Variants in HAX1 observed in about 807,000 individuals in gnomAD.
The protein encoded by HAX1 is HCLS1-associated protein X-1.
HAX1 carries 27 observed loss-of-function variants against 31.1 expected under a neutral mutation model. That is an observed-to-expected ratio of 0.87 (90% CI 0.64 to 1.20). HAX1 has a LOEUF of 1.20. Among genes scored for constraint, HAX1 ranks in the 50% most tolerant of loss-of-function variants. The pLI, the probability that HAX1 is intolerant of heterozygous loss-of-function variation, is 0.00. For synonymous variants in HAX1, 114 were observed against 124.1 expected, an observed-to-expected ratio of 0.92 and a Z score of 0.54; for missense variants, 357 against 361.6, an observed-to-expected ratio of 0.99 and a Z score of 0.10.
Position 154,274,934 on chromosome 1 carries a change from A to G in HAX1, c.505-16A>G, listed in dbSNP as rs551835048. 365 of 1,598,260 alleles carry G rather than the reference A, an allele frequency of 2.3e-4. 2 individuals are homozygous for G. The South Asian group carries it at 3.7e-3, about 16-fold the overall frequency. On this transcript the variant is annotated splice_polypyrimidine_tract_variant and intron_variant, in intron 3 of 6. Transcript: ENST00000328703. ...ATTGGAAGGAGTCTTTTCACTTACT[A>G]TGGTTTCTTCTGCAGTTTGATGATG...
At chr1:154,273,187 G>T (rs1282688224) in intron 1 of HAX1, 149 bp from the exon 2 acceptor site, 56 of 707,784 alleles carry the variant, frequency 7.9e-5, no homozygotes, top group Non-Finnish European at 1.2e-4. Flanking sequence ...GTCAGCCATT[G>T]TATTAATGTT....
In HAX1 at chr1:154,274,805, A is replaced by G. The variant is rs1171784722; in HGVS notation, c.505-145A>G. ...TAGAAGGATACATAAAACAGCCAGG[A>G]AGGAGTGTGTAAATAAGGCTATTCT... is the stretch of plus-strand genomic sequence containing the variant. On this transcript the variant is annotated intron_variant, in intron 3 of 6. Coordinates refer to ENST00000328703, the MANE Select transcript of HAX1 (RefSeq NM_006118.4). The G allele has an allele frequency of 2.1e-5, 15 of 716,216 alleles. No individual in the cohort carries two copies. The Admixed American group carries it at 3.0e-4, about 14-fold the overall frequency. The allele number at this position is 716,216 out of a possible 1,614,324, so 44.4% of individuals were successfully genotyped here.
At position 154,273,178 on chromosome 1, in the gene HAX1, T is replaced by A. The variant is rs1684845045; in HGVS notation, c.54-158T>A. 5.7e-6 allele frequency: 4 copies of A among 696,480 alleles called. No individual in the cohort carries two copies. The East Asian group carries it at 1.0e-4, about 18-fold the overall frequency. 43.1% of individuals were successfully genotyped at this position (696,480 alleles called of 1,614,324 possible). On this transcript the variant is annotated intron_variant, in intron 1 of 6. Transcript: ENST00000328703. ...AAAAAAAAAAAAAAAAAAAGAACTGTCAGCCATTGTATTAATGTTTTGATG... is the reference window on the plus strand; with the variant it reads ...AAAAAAAAAAAAAAAAAAAGAACTGACAGCCATTGTATTAATGTTTTGATG...
At chr1:154,272,831 C>A in intron 1 of HAX1, 55 bp downstream of exon 1, 1 of 1,491,490 alleles carries the variant, frequency 6.7e-7, no homozygotes, top group Non-Finnish European at 9.4e-7. Flanking sequence ...GGAGCTTGAC[C>A]CCTACGTCTT....
In HAX1 at chr1:154,275,781, C is replaced by A; in HGVS notation, c.*80C>A. The A allele has an allele frequency of 1.1e-6, 1 of 934,778 alleles. No individual in the cohort carries two copies. Among genetic ancestry groups the A allele is most frequent in the Admixed American group, 1.9e-5 (1 of 52,946 alleles). The allele number at this position is 934,778 out of a possible 1,614,324, so 57.9% of individuals were successfully genotyped here. ...CCATTAATAAGCTTAGCTTCTCTTG[C>A]CACCTCAGGGGCTTGGATATGTGGA... On this transcript the variant is annotated 3_prime_UTR_variant, in exon 7 of 7. Transcript: ENST00000328703.
At chr1:154,272,968 G>A (rs1684828515) in intron 1 of HAX1, 192 bp downstream of exon 1, 2 of 649,402 alleles carry the variant, frequency 3.1e-6, no homozygotes, top group Non-Finnish European at 5.5e-6. Flanking sequence ...AGCAAACTAA[G>A]CCTTTCTCCA....
In HAX1 at chr1:154,272,647, T is replaced by A; in HGVS notation, c.-77T>A. On this transcript the variant is annotated 5_prime_UTR_variant, in exon 1 of 7. Transcript: ENST00000328703. ...GTGGGCTGACGCCTCGCTCAATTTC[T>A]CACAGGGCTGCGCAGGTTTCCCCCG... 6.8e-7 allele frequency: 1 copy of A among 1,466,280 alleles called. No individual in the cohort carries two copies. The highest frequency in any genetic ancestry group is 9.5e-7 in the Non-Finnish European group (1 of 1,048,796). The allele number at this position is 1,466,280 out of a possible 1,614,324, so 90.8% of individuals were successfully genotyped here.
In HAX1 at chr1:154,274,358, C is replaced by T. The variant is rs1558251992; in HGVS notation, c.504+397C>T. On this transcript the variant is annotated intron_variant, in intron 3 of 6. Coordinates refer to ENST00000328703, the MANE Select transcript of HAX1 (RefSeq NM_006118.4). The stretch of plus-strand genomic sequence containing the variant: ...CAATTCCCAGGTTCAAGTGATTCTC[C>T]TGCCTCAGCCTCCTGAGTAGCTGGG... Among the ~76,000 whole-genome samples, 5 of 152,116 alleles carry T rather than the reference C, an allele frequency of 3.3e-5. No individual in the cohort carries two copies. In the South Asian group the frequency reaches 1.0e-3, roughly 32 times the overall value.
At position 154,275,861 on chromosome 1, in the gene HAX1, C is replaced by T. The variant is rs990107227; in HGVS notation, c.*160C>T. On this transcript the variant is annotated 3_prime_UTR_variant, in exon 7 of 7. Transcript: ENST00000328703. ...ACTCACCCAAACTGACCAATAAAACCTTTATTTATGCTAATTTTTTGTCTT... is the reference window on the plus strand; with the variant it reads ...ACTCACCCAAACTGACCAATAAAACTTTTATTTATGCTAATTTTTTGTCTT... 5 of 665,004 alleles carry T rather than the reference C, an allele frequency of 7.5e-6. No individual in the cohort carries two copies. The highest frequency in any genetic ancestry group is 1.4e-5 in the Non-Finnish European group (5 of 365,146). 41.2% of individuals were successfully genotyped at this position (665,004 alleles called of 1,614,324 possible). A position where few individuals can be genotyped will look rare whatever the true frequency, so the allele number is the denominator to read the frequency against.
At position 154,274,069 on chromosome 1, in the gene HAX1, A is replaced by C. The variant is rs1684883837; in HGVS notation, c.504+108A>C. 3.0e-6 allele frequency: 3 copies of C among 1,012,850 alleles called. No individual in the cohort carries two copies. In the South Asian group the frequency reaches 3.9e-5, roughly 13 times the overall value. 62.7% of individuals were successfully genotyped at this position (1,012,850 alleles called of 1,614,324 possible). ...ACGCCTGTAATCCCAGCACTTTGGG[A>C]GGCCGAGGTGGGCAGATCACCAGAG... On this transcript the variant is annotated intron_variant, in intron 3 of 6. Transcript: ENST00000328703.
At chr1:154,273,224 C>A in intron 1 of HAX1, 112 bp from the exon 2 acceptor site, 1 of 1,255,388 alleles carries the variant, frequency 8.0e-7, no homozygotes, top group South Asian at 1.2e-5. Flanking sequence ...TCCTCCGACC[C>A]TCTCCCTAGC....
Position 154,272,749 on chromosome 1 carries a change from G to T in HAX1, c.26G>T (p.Gly9Val), listed in dbSNP as rs1684816029. The T allele has an allele frequency of 6.2e-7, 1 of 1,614,072 alleles. No homozygotes were observed. Among genetic ancestry groups the T allele is most frequent in the African/African-American group, 1.3e-5 (1 of 74,940 alleles). MSLFDLFR[G>V]FFGFPGPRSH... is the part of the protein sequence containing the mutation. ...ATGAGCCTCTTTGATCTCTTCCGGG[G>T]CTTTTTCGGCTTTCCTGGACCTCGG... The change falls in exon 1 of 7, where the codon GGC becomes GTC. Residue 9 changes from glycine (G) to valine (V), a missense_variant. Gly to Val is a moderately radical substitution (Grantham distance 109, BLOSUM62 -3). Coordinates refer to ENST00000328703, the MANE Select transcript of HAX1 (RefSeq NM_006118.4).
Position 154,275,246 on chromosome 1 carries a change from A to G in HAX1, c.649A>G (p.Thr217Ala), listed in dbSNP as rs1355200932. 1.2e-6 allele frequency: 2 copies of G among 1,611,558 alleles called. No homozygotes were observed. The highest frequency in any genetic ancestry group is 8.5e-7 in the Non-Finnish European group (1 of 1,177,614). ...YFKSISVTKITKPDGIVEERR... is the reference protein window; with the variant it reads ...YFKSISVTKIAKPDGIVEERR... ...CAAGAGCATCTCTGTGACCAAGATCACTAAACCAGATGGGGTGAGTTGAAA... is the reference window on the plus strand; with the variant it reads ...CAAGAGCATCTCTGTGACCAAGATCGCTAAACCAGATGGGGTGAGTTGAAA... The change falls in exon 5 of 7, where the codon ACT becomes GCT. Residue 217 changes from threonine to alanine, a missense_variant. Physicochemically the swap from Thr to Ala is moderately conservative, Grantham distance 58 (BLOSUM62 0). Transcript: ENST00000328703.
chr1:154,273,972 C>T lies in HAX1; in HGVS notation c.504+11C>T. ...AGGCCATTTCATAGGGTGAGTATCC[C>T]ATCTGGTCCTGAAGTGAGAGCTTGT... On this transcript the variant is annotated intron_variant, in intron 3 of 6. Coordinates refer to ENST00000328703, the MANE Select transcript of HAX1 (RefSeq NM_006118.4). 1 of 1,609,746 alleles carries T rather than the reference C, an allele frequency of 6.2e-7. No homozygotes were observed. The highest frequency in any genetic ancestry group is 2.2e-5 in the East Asian group (1 of 44,824).
In HAX1 at chr1:154,273,391, G is replaced by C. The variant is rs201707963; in HGVS notation, c.109G>C (p.Glu37Gln). The change falls in exon 2 of 7, where the codon GAA becomes CAA. Residue 37 changes from glutamate (E) to glutamine (Q), a missense_variant. Physicochemically the swap from Glu to Gln is conservative, Grantham distance 29. Transcript: ENST00000328703. ...TCGAGATGAAGATGATGATGAGGAA[G>C]AAGAAGAAGAAGGGGGCTCATGGGG... ...MTRDEDDDEE[E>Q]EEEGGSWGRG... 4 of 1,613,924 alleles carry C rather than the reference G, an allele frequency of 2.5e-6. No individual in the cohort carries two copies. The East Asian group carries it at 6.7e-5, about 27-fold the overall frequency.
intron 4 of HAX1, 63 bp downstream of exon 4, chr1:154,275,064 C>A: frequency 1.4e-6 from 2 of 1,471,760 alleles, no homozygotes; most frequent in Non-Finnish European, 1.9e-6. Flanking sequence ...TCTGTGTGTT[C>A]TCCCTCCCTG....
chr1:154,272,820 G>A (rs1684820431), intron 1 of HAX1, 44 bp downstream of exon 1: 1 of 1,558,734 alleles, frequency 6.4e-7, no homozygotes. Flanking sequence ...GTCGTCTGAG[G>A]GGAGCTTGAC....
intron 3 of HAX1, 109 bp from the exon 4 acceptor site, chr1:154,274,841 A>T: frequency 1.3e-6 from 1 of 768,066 alleles, no homozygotes; most frequent in Non-Finnish European, 2.3e-6. Context: ...GAATGGAATT[A>T]TCTCTTCTGT....
At chr1:154,273,013 A>G in intron 1 of HAX1, 1 of 614,222 alleles carries the variant, frequency 1.6e-6, no homozygotes, top group South Asian at 1.9e-5. Context: ...CGGGCGGGGA[A>G]GACCGTGAGG....
Sources: allele counts gnomAD v4.1 joint callset (sites outside exome capture counted in the v4.1 genomes callset), GRCh38; gene constraint gnomAD v4.1.1; transcripts MANE v1.5; gene names NCBI Gene and HGNC (gene_info 2026-07-23, HGNC 2026-07-21).